The following SNTB1 variants were observed in gnomAD, a reference collection of about 807,000 sequenced individuals.
SNTB1 encodes syntrophin beta 1.
Under a neutral mutation model 48.9 loss-of-function variants are expected in SNTB1, and 36 were observed. The observed-to-expected ratio is 0.74, with a 90% confidence interval of 0.56 to 0.97. The LOEUF is 0.97. Among genes scored for constraint, SNTB1 ranks in the 50% least tolerant of loss-of-function variants. The pLI is 0.00. For missense variants in SNTB1, 786 were observed against 703.4 expected, an observed-to-expected ratio of 1.12 and a Z score of -1.33; for synonymous variants, 299 against 294.6, an observed-to-expected ratio of 1.01 and a Z score of -0.15.
At chr8:120,622,004 T>G (rs1816800824) in intron 3 of SNTB1, among the ~76,000 whole-genome samples, 1 of 152,220 alleles carries the variant, frequency 6.6e-6, no homozygotes, top group Non-Finnish European at 1.5e-5. Context: ...CACCATCTCA[T>G]GCATTCAACA....
intron 1 of SNTB1, among the ~76,000 whole-genome samples, chr8:120,721,586 T>C (rs1818659221): frequency 1.3e-5 from 2 of 152,342 alleles, no homozygotes; most frequent in South Asian, 4.1e-4. Context: ...GTGACAAAGC[T>C]GTACTTACAA....
At chr8:120,553,065 T>C (rs138189362) in intron 4 of SNTB1, among the ~76,000 whole-genome samples, 1 of 152,160 alleles carries the variant, frequency 6.6e-6, no homozygotes, top group Non-Finnish European at 1.5e-5. Context: ...AAGCTTTGCT[T>C]GCTAGCTGCT....
chr8:120,709,016 T>C (rs1416944625), intron 1 of SNTB1, among the ~76,000 whole-genome samples: 13 of 150,218 alleles, frequency 8.7e-5, no homozygotes, highest in Non-Finnish European at 5.9e-5. Flanking sequence ...GTATAAGGAT[T>C]GGAAGGTTAA....
chr8:120,692,391 G>T (rs1021488906), intron 2 of SNTB1, among the ~76,000 whole-genome samples: 1 of 152,120 alleles, frequency 6.6e-6, no homozygotes, highest in East Asian at 1.9e-4. Context: ...AGGGCCAGTC[G>T]AGCGGTTCCT....
intron 1 of SNTB1, among the ~76,000 whole-genome samples, chr8:120,730,241 C>T (rs938720919): frequency 3.3e-5 from 5 of 152,188 alleles, no homozygotes; most frequent in Non-Finnish European, 4.4e-5. Context: ...CTCACTGCAA[C>T]GTCAGCCTCC....
At chr8:120,654,884 C>G (rs1817472947) in intron 2 of SNTB1, 2 of 426,398 alleles carry the variant, frequency 4.7e-6, no homozygotes, top group Admixed American at 5.9e-5. Context: ...GTGACCTTTC[C>G]CCTCCAAGTG....
intron 1 of SNTB1, among the ~76,000 whole-genome samples, chr8:120,751,817 C>T (rs2130035298): frequency 6.6e-6 from 1 of 152,244 alleles, no homozygotes; most frequent in Admixed American, 6.5e-5. Context: ...AGTACAGTGT[C>T]TGCACACAAT....
intron 3 of SNTB1, among the ~76,000 whole-genome samples, chr8:120,585,359 T>C (rs78789017): frequency 0.026 from 3,956 of 152,316 alleles, 189 homozygotes; most frequent in African/African-American, 0.087. Flanking sequence ...CATGCTTCTC[T>C]TTGGAGCTCT....
At chr8:120,557,402 T>C (rs1815582670) in intron 4 of SNTB1, among the ~76,000 whole-genome samples, 1 of 152,214 alleles carries the variant, frequency 6.6e-6, no homozygotes, top group Non-Finnish European at 1.5e-5. Context: ...GTAAGTGCCC[T>C]TCCAGCAAGT....
rs896207273 is a variant in SNTB1 at position 120,574,375 on chromosome 8, CA to C, written c.1136+710del. Among the ~76,000 whole-genome samples the C allele has an allele frequency of 3.3e-5, 5 of 151,514 alleles. No homozygotes were observed. In the South Asian group the frequency reaches 1.0e-3, roughly 32 times the overall value. On this transcript the variant is annotated intron_variant, in intron 4 of 6. Coordinates refer to ENST00000517992, the MANE Select transcript of SNTB1 (RefSeq NM_021021.4). ...GATCTTATGTTACATGTTGTTATCACAAAAAATAAAATATAGAGGAAGGAGG... is the reference window on the plus strand; with the variant it reads ...GATCTTATGTTACATGTTGTTATCACAAAAATAAAATATAGAGGAAGGAGG...
chr8:120,771,909 G>T (rs1819642030), intron 1 of SNTB1, among the ~76,000 whole-genome samples: 1 of 151,898 alleles, frequency 6.6e-6, no homozygotes, highest in Non-Finnish European at 1.5e-5. Flanking sequence ...CACTCCCCTT[G>T]CCCAGGCTGG....
chr8:120,710,497 C>T lies in SNTB1; in HGVS notation c.572-16589G>A, dbSNP rs151005128. Among the ~76,000 whole-genome samples, 643 of 152,250 alleles carry T rather than the reference C, an allele frequency of 4.2e-3. 6 individuals carry two copies. The highest frequency in any genetic ancestry group is 0.014 in the African/African-American group (597 of 41,526). On this transcript the variant is annotated intron_variant, in intron 1 of 6. Transcript: ENST00000517992. ...GGTAACACTTGCTGTGGTTAGAATG[C>T]GTCCCCTCCAAAATTCATGTTGAAA...
At chr8:120,809,354 C>T (rs1392682400) in intron 1 of SNTB1, among the ~76,000 whole-genome samples, 1 of 152,170 alleles carries the variant, frequency 6.6e-6, no homozygotes, top group Non-Finnish European at 1.5e-5. Flanking sequence ...CTGTGACAAA[C>T]CACAAAGTGT....
intron 2 of SNTB1, 127 bp from the exon 3 acceptor site, chr8:120,632,778 C>T (rs537217798): frequency 2.7e-6 from 2 of 731,324 alleles, no homozygotes; most frequent in South Asian, 3.6e-5. Context: ...TAACGGGATG[C>T]CTTAACAGTC....
rs576428243 is a variant in SNTB1, at chr8:120,806,368, C to T, written c.571+4905G>A. Among the ~76,000 whole-genome samples, 325 of 152,276 alleles carry T rather than the reference C, an allele frequency of 2.1e-3. 2 individuals are homozygous for T. The highest frequency in any genetic ancestry group is 7.6e-3 in the African/African-American group (316 of 41,560). Reference sequence around the variant, plus strand: ...CAGCCCTACTCATCTTCATGTGCAGCCGTGCATTGGTAGTGATTTAACATA... The same window carrying T: ...CAGCCCTACTCATCTTCATGTGCAGTCGTGCATTGGTAGTGATTTAACATA... On this transcript the variant is annotated intron_variant, in intron 1 of 6. Coordinates refer to ENST00000517992, the MANE Select transcript of SNTB1 (RefSeq NM_021021.4).
At chr8:120,677,453 AT>A (rs1817855763) in intron 2 of SNTB1, among the ~76,000 whole-genome samples, 1 of 152,240 alleles carries the variant, frequency 6.6e-6, no homozygotes, top group South Asian at 2.1e-4. Context: ...AGACAGAAGT[AT>A]ATAAAATCAT....
chr8:120,764,939 C>G (rs1374280757), intron 1 of SNTB1, among the ~76,000 whole-genome samples: 1 of 151,876 alleles, frequency 6.6e-6, no homozygotes, highest in Non-Finnish European at 1.5e-5. Context: ...TAAAAAAAAA[C>G]TCACAGCTGG....
intron 3 of SNTB1, among the ~76,000 whole-genome samples, chr8:120,576,595 G>A (rs1299657280): frequency 6.6e-6 from 1 of 152,140 alleles, no homozygotes; most frequent in African/African-American, 2.4e-5. Flanking sequence ...GATATTCTCT[G>A]TGCTTCTATT....
Position 120,601,069 on chromosome 8 carries a change from A to C in SNTB1, c.997-25844T>G, listed in dbSNP as rs190767630. Reference sequence around the variant, plus strand: ...ACCCAGACAAAGAGGAAGGCAAGGCAGCTAGGCTGCCTGGAGTTATGTCAA... The same window carrying C: ...ACCCAGACAAAGAGGAAGGCAAGGCCGCTAGGCTGCCTGGAGTTATGTCAA... On this transcript the variant is annotated intron_variant, in intron 3 of 6. Transcript: ENST00000517992. Among the ~76,000 whole-genome samples, 122 of 152,362 alleles carry C rather than the reference A, an allele frequency of 8.0e-4. 1 individual carries two copies. The highest frequency in any genetic ancestry group is 2.7e-3 in the African/African-American group (111 of 41,588).
Sources: allele counts gnomAD v4.1 joint callset (sites outside exome capture counted in the v4.1 genomes callset), GRCh38; gene constraint gnomAD v4.1.1; transcripts MANE v1.5; gene names NCBI Gene and HGNC (gene_info 2026-07-23, HGNC 2026-07-21).